CADM1: variants seen among roughly 807,000 people sequenced by gnomAD.
CADM1 encodes the protein cell adhesion molecule 1, also known as TSLC-1.
A neutral mutation model predicts 53.1 loss-of-function variants in CADM1; 15 were observed. That is an observed-to-expected ratio of 0.28 (90% CI 0.19 to 0.44). CADM1 has a LOEUF of 0.44. Ranked by LOEUF, CADM1 falls within the 20% of genes least tolerant of loss-of-function variation. The pLI is 1.00. For synonymous variants in CADM1, 281 were observed against 243.0 expected (o/e 1.16, Z -1.45); for missense variants, 434 against 611.3 (o/e 0.71, Z 3.06).
intron 1 of CADM1, among the ~76,000 whole-genome samples, chr11:115,244,118 C>G (rs188955845): frequency 3.3e-5 from 5 of 152,310 alleles, no homozygotes; most frequent in Admixed American, 3.3e-4. Flanking sequence ...GAGTCCCATT[C>G]GCTTACAATC....
rs114956586 is a variant in CADM1, at chr11:115,275,779, G to A, written c.125-35359C>T. Reference sequence around the variant, plus strand: ...TTAATAAGGAGAAAAATAAGAATGCGTTAGAGGATAATGGTGCGCTTGCTA... The same window carrying A: ...TTAATAAGGAGAAAAATAAGAATGCATTAGAGGATAATGGTGCGCTTGCTA... On this transcript the variant is annotated intron_variant, in intron 1 of 11. Coordinates refer to ENST00000331581, the MANE Select transcript of CADM1 (RefSeq NM_001301043.2). Among the ~76,000 whole-genome samples the A allele has an allele frequency of 5.0e-3, 760 of 152,260 alleles. 9 individuals carry two copies. Among genetic ancestry groups the A allele is most frequent in the African/African-American group, 0.018 (730 of 41,540 alleles).
intron 5 of CADM1, among the ~76,000 whole-genome samples, chr11:115,226,497 G>A (rs1392702628): frequency 6.6e-6 from 1 of 152,200 alleles, no homozygotes. Context: ...TCAACGGCAT[G>A]AGTCAACATT....
At chr11:115,300,568 TTCTGTCCTGAAGAAC>T (rs1944193324) in intron 1 of CADM1, among the ~76,000 whole-genome samples, 1 of 152,164 alleles carries the variant, frequency 6.6e-6, no homozygotes, top group African/African-American at 2.4e-5. Flanking sequence ...ACTATCGAAA[TTCTGTCCTGAAGAAC>T]TCTTGAAACA....
chr11:115,420,826 G>T (rs567246867), intron 1 of CADM1, among the ~76,000 whole-genome samples: 2 of 152,266 alleles, frequency 1.3e-5, no homozygotes, highest in East Asian at 3.9e-4. Flanking sequence ...TGCTGCTGTA[G>T]GATGAGGGCC....
chr11:115,242,208 C>T (rs1695280881), intron 1 of CADM1, among the ~76,000 whole-genome samples: 2 of 151,762 alleles, frequency 1.3e-5, no homozygotes, highest in South Asian at 4.2e-4. Flanking sequence ...GGGAATTAAC[C>T]CAGGTGTGAG....
At chr11:115,279,398 A>G (rs1218543430) in intron 1 of CADM1, among the ~76,000 whole-genome samples, 2 of 152,218 alleles carry the variant, frequency 1.3e-5, no homozygotes, top group East Asian at 3.8e-4. Flanking sequence ...CAGGCTAAGA[A>G]AGGGGAATTA....
rs1938721567 is a variant in CADM1 at position 115,169,508 on chromosome 11, T to C, written c.*6966A>G. On this transcript the variant is annotated 3_prime_UTR_variant, in exon 12 of 12. Coordinates refer to ENST00000331581, the MANE Select transcript of CADM1 (RefSeq NM_001301043.2). ...AAAAAACCCAAGTAGGACATTTCAG[T>C]TGACAGTAATGGCATTTTCCCTTCC... 1 of 444,074 alleles carries C rather than the reference T, an allele frequency of 2.3e-6. No individual in the cohort carries two copies. Among genetic ancestry groups the C allele is most frequent in the Non-Finnish European group, 4.5e-6 (1 of 221,840 alleles). The allele number at this position is 444,074 out of a possible 1,614,324, so 27.5% of individuals were successfully genotyped here.
At chr11:115,280,966 A>G (rs1943569091) in intron 1 of CADM1, among the ~76,000 whole-genome samples, 1 of 152,218 alleles carries the variant, frequency 6.6e-6, no homozygotes, top group African/African-American at 2.4e-5. Flanking sequence ...TGTCAATTTC[A>G]GCTTCTCAAT....
chr11:115,263,514 C>T (rs112364352), intron 1 of CADM1, among the ~76,000 whole-genome samples: 14 of 152,264 alleles, frequency 9.2e-5, no homozygotes, highest in Admixed American at 6.5e-4. Flanking sequence ...ATTTTTATTT[C>T]TTTCACTCCT....
At chr11:115,181,040 G>C (rs182443809) in intron 10 of CADM1, among the ~76,000 whole-genome samples, 17 of 152,132 alleles carry the variant, frequency 1.1e-4, no homozygotes, top group Non-Finnish European at 2.2e-4. Flanking sequence ...TGAGAACAGA[G>C]AGAAGCTTCG....
At chr11:115,440,190 G>A (rs1299000908) in intron 1 of CADM1, among the ~76,000 whole-genome samples, 1 of 152,180 alleles carries the variant, frequency 6.6e-6, no homozygotes, top group East Asian at 1.9e-4. Context: ...TATCTTTTGT[G>A]CTCTAATTTT....
At chr11:115,201,466 G>C (rs188879209) in intron 8 of CADM1, among the ~76,000 whole-genome samples, 139 of 152,332 alleles carry the variant, frequency 9.1e-4, no homozygotes, top group African/African-American at 3.1e-3. Flanking sequence ...TGGCTCTGAA[G>C]TGAGTGCAAC....
intron 1 of CADM1, among the ~76,000 whole-genome samples, chr11:115,446,729 T>G (rs1057010025): frequency 5.3e-5 from 8 of 152,216 alleles, no homozygotes; most frequent in African/African-American, 1.4e-4. Context: ...AAAGGGCCAC[T>G]GCTCTTTCGA....
intron 1 of CADM1, chr11:115,256,999 A>C: frequency 2.4e-6 from 1 of 418,092 alleles, no homozygotes; most frequent in Admixed American, 2.4e-5. Context: ...AGTGTGAATT[A>C]CGTACTTCCT....
chr11:115,394,968 C>G (rs1433264532), intron 1 of CADM1, among the ~76,000 whole-genome samples: 1 of 152,032 alleles, frequency 6.6e-6, no homozygotes, highest in East Asian at 1.9e-4. Flanking sequence ...TGTTCTTATA[C>G]AGAGGAAATG....
At chr11:115,400,577 T>TAA (rs1491505551) in intron 1 of CADM1, among the ~76,000 whole-genome samples, 16 of 140,972 alleles carry the variant, frequency 1.1e-4, no homozygotes, top group Admixed American at 4.3e-4. Flanking sequence ...TATATATATA[T>TAA]AATATATATA....
At chr11:115,479,020 ATGTC>A (rs920047493) in intron 1 of CADM1, among the ~76,000 whole-genome samples, 1 of 152,156 alleles carries the variant, frequency 6.6e-6, no homozygotes, top group African/African-American at 2.4e-5. Flanking sequence ...TTGTAAAACT[ATGTC>A]TGTAGACTGA....
intron 1 of CADM1, among the ~76,000 whole-genome samples, chr11:115,503,132 G>A (rs1232902660): frequency 1.3e-5 from 2 of 152,174 alleles, no homozygotes; most frequent in Non-Finnish European, 2.9e-5. Flanking sequence ...GCTGCCAAGC[G>A]CGGCGAGGTG....
In CADM1 at chr11:115,504,397, C is replaced by G; in HGVS notation, c.-3G>C. The stretch of plus-strand genomic sequence containing the variant: ...CTCGGCAGCACTACACTCGCCATGT[C>G]GGGCACCTGCCTCAGACTGGCGGCG... On this transcript the variant is annotated 5_prime_UTR_variant, in exon 1 of 12. Coordinates refer to ENST00000331581, the MANE Select transcript of CADM1 (RefSeq NM_001301043.2). 1 of 1,545,184 alleles carries G rather than the reference C, an allele frequency of 6.5e-7. No individual in the cohort carries two copies. The highest frequency in any genetic ancestry group is 8.7e-7 in the Non-Finnish European group (1 of 1,146,002).
Sources: allele counts gnomAD v4.1 joint callset (sites outside exome capture counted in the v4.1 genomes callset), GRCh38; gene constraint gnomAD v4.1.1; transcripts MANE v1.5; gene names NCBI Gene and HGNC (gene_info 2026-07-23, HGNC 2026-07-21).